STK3: variants seen among roughly 807,000 people sequenced by gnomAD.
STK3 encodes the protein serine/threonine-protein kinase 3.
Under a neutral mutation model 58.0 loss-of-function variants are expected in STK3, and 41 were observed. That is an observed-to-expected ratio of 0.71 (90% CI 0.55 to 0.92). The LOEUF (loss-of-function observed/expected upper bound fraction) is 0.92, where lower values mean the gene tolerates loss of function less well. Ranked by LOEUF, STK3 falls within the 40% of genes least tolerant of loss-of-function variation. The pLI is 0.00. For synonymous variants in STK3, 170 were observed against 191.0 expected, an observed-to-expected ratio of 0.89 and a Z score of 0.91; for missense variants, 479 against 602.7, an observed-to-expected ratio of 0.79 and a Z score of 2.15.
chr8:98,658,697 C>T (rs1416443386), intron 6 of STK3, among the ~76,000 whole-genome samples: 1 of 151,980 alleles, frequency 6.6e-6, no homozygotes. Flanking sequence ...AGTTTGGTTT[C>T]AAGAGGATTC....
At chr8:98,845,422 A>C (rs1373188619) in intron 3 of STK3, among the ~76,000 whole-genome samples, 1 of 152,190 alleles carries the variant, frequency 6.6e-6, no homozygotes, top group African/African-American at 2.4e-5. Flanking sequence ...TCTAATTCTG[A>C]GATCTTTTAT....
chr8:98,790,661 A>C (rs1832749368), intron 1 of STK3, among the ~76,000 whole-genome samples: 2 of 152,224 alleles, frequency 1.3e-5, no homozygotes, highest in Admixed American at 1.3e-4. Flanking sequence ...TGGAAGTCCT[A>C]GACAGACCAC....
chr8:98,367,779 A>G (rs1446374186), downstream of STK3, among the ~76,000 whole-genome samples: 2 of 152,248 alleles, frequency 1.3e-5, no homozygotes, highest in African/African-American at 4.8e-5. Context: ...TGGGAAGCAC[A>G]TTGATGAAGG....
intron 3 of STK3, among the ~76,000 whole-genome samples, 165 bp downstream of exon 3, chr8:98,767,078 G>A (rs997840894): frequency 6.6e-6 from 1 of 152,036 alleles, no homozygotes; most frequent in African/African-American, 2.4e-5. Flanking sequence ...CCGAGATGGC[G>A]CCATTGCACT....
chr8:98,478,688 A>G (rs143315217), intron 10 of STK3, among the ~76,000 whole-genome samples: 1 of 152,340 alleles, frequency 6.6e-6, no homozygotes, highest in African/African-American at 2.4e-5. Flanking sequence ...CCTCTAAAAT[A>G]AAGTGGAAAT....
At chr8:98,935,166 T>TGGGGGG (rs1840151716) in intron 1 of STK3, among the ~76,000 whole-genome samples, 1 of 86,560 alleles carries the variant, frequency 1.2e-5, no homozygotes, top group African/African-American at 4.7e-5. Context: ...TCCTTAGAGG[T>TGGGGGG]GGGGGTGGGG....
chr8:98,365,421 A>C, the STK3 span, among the ~76,000 whole-genome samples: 4 of 152,152 alleles, frequency 2.6e-5, no homozygotes, highest in African/African-American at 4.8e-5. Flanking sequence ...TGATGAAGAG[A>C]AGGGAGGGAG....
At chr8:98,657,880 A>G (rs1821670800) in intron 6 of STK3, among the ~76,000 whole-genome samples, 1 of 151,926 alleles carries the variant, frequency 6.6e-6, no homozygotes. Flanking sequence ...CAATACTGTA[A>G]TGGATCCTTT....
At chr8:98,610,206 C>A (rs1817083027) in intron 6 of STK3, among the ~76,000 whole-genome samples, 2 of 149,544 alleles carry the variant, frequency 1.3e-5, no homozygotes, top group South Asian at 2.1e-4. Context: ...AAAAAAAAAA[C>A]CATATGATTA....
intron 10 of STK3, among the ~76,000 whole-genome samples, chr8:98,464,540 T>TAAAAA: frequency 0.013 from 880 of 69,046 alleles, no homozygotes; most frequent in East Asian, 0.02. Flanking sequence ...TACTTAAAGT[T>TAAAAA]AAAAAAAAAA....
At chr8:98,694,717 A>G (rs1000622565) in intron 6 of STK3, among the ~76,000 whole-genome samples, 1 of 152,214 alleles carries the variant, frequency 6.6e-6, no homozygotes, top group African/African-American at 2.4e-5. Flanking sequence ...TCCATGGTGT[A>G]TATGTGCCAC....
At chr8:98,550,779 T>C (rs530674709) in intron 8 of STK3, among the ~76,000 whole-genome samples, 161 of 152,214 alleles carry the variant, frequency 1.1e-3, no homozygotes, top group African/African-American at 3.7e-3. Context: ...AGGATCCTTG[T>C]CTCCAAAGAT....
chr8:98,846,745 G>T (rs913282686), intron 3 of STK3, among the ~76,000 whole-genome samples: 6 of 151,968 alleles, frequency 3.9e-5, no homozygotes, highest in Non-Finnish European at 8.8e-5. Flanking sequence ...GTATTGAGGG[G>T]CATGTACCAT....
intron 3 of STK3, among the ~76,000 whole-genome samples, chr8:98,424,443 C>T (rs964429754): frequency 4.6e-5 from 7 of 152,020 alleles, no homozygotes; most frequent in Non-Finnish European, 8.8e-5. Flanking sequence ...GGTAGGAGGT[C>T]GGGTTGTTGG....
chr8:98,556,238 T>A (rs1325404633), intron 8 of STK3, among the ~76,000 whole-genome samples: 1 of 152,044 alleles, frequency 6.6e-6, no homozygotes. Context: ...GTTAACCAAA[T>A]ATAGCCCCAG....
chr8:98,871,769 A>G (rs894989706), intron 3 of STK3, among the ~76,000 whole-genome samples: 3 of 152,218 alleles, frequency 2.0e-5, no homozygotes, highest in African/African-American at 7.2e-5. Flanking sequence ...TTCTAAATAT[A>G]CAATCATGTC....
intron 2 of STK3, among the ~76,000 whole-genome samples, chr8:98,435,490 T>A (rs561541888): frequency 1.3e-5 from 2 of 152,152 alleles, no homozygotes; most frequent in African/African-American, 4.8e-5. Context: ...GACTCTAGCA[T>A]CAGCTTGGAA....
chr8:98,431,599 C>T (rs1818331188), intron 3 of STK3: 1 of 167,066 alleles, frequency 6.0e-6, no homozygotes, highest in Non-Finnish European at 1.5e-5. Context: ...GTATCCATGG[C>T]CGCTGACCAG....
At chr8:98,413,429 C>T (rs1818077726) in intron 3 of STK3, 2 of 571,426 alleles carry the variant, frequency 3.5e-6, no homozygotes, top group South Asian at 2.8e-5. Context: ...CCCTCACTTT[C>T]CTGGGGTCCA....
Sources: gnomAD v4.1 joint callset for allele counts (sites outside exome capture counted in the v4.1 genomes callset) on GRCh38, gnomAD v4.1.1 for gene constraint, MANE v1.5 for transcripts, NCBI Gene and HGNC (gene_info 2026-07-23, HGNC 2026-07-21) for gene names.